EXOC4: variants seen among roughly 807,000 people sequenced by gnomAD.
EXOC4 encodes exocyst complex component 4, also known as SEC8-like 1.
Under a neutral mutation model 107.2 loss-of-function variants are expected in EXOC4, and 71 were observed. The observed-to-expected ratio is 0.66, with a 90% CI of 0.55 to 0.81. EXOC4 has a LOEUF of 0.81. Ranked by LOEUF, EXOC4 falls within the 30% of genes least tolerant of loss-of-function variation. The pLI is 0.00. For missense variants in EXOC4, 1,108 were observed against 1,189.6 expected (o/e 0.93, Z 1.01); for synonymous variants, 456 against 441.2 (o/e 1.03, Z -0.42).
intron 1 of EXOC4, 133 bp from the exon 2 acceptor site, chr7:133,274,849 A>C: frequency 2.8e-6 from 2 of 713,048 alleles, no homozygotes; most frequent in Admixed American, 3.1e-5. Flanking sequence ...TTCTGTTTGT[A>C]ACTTATTTCA....
rs1335786118 is a variant in EXOC4 at position 133,624,590 on chromosome 7, CT to C, written c.1418-5446del. On this transcript the variant is annotated intron_variant, in intron 9 of 17. Transcript: ENST00000253861. ...AGAGCAAGACTGCATCTCTCTCTCT[CT>C]TTTTTTTTCTTTTCTTTTTGAGGCA... Among the ~76,000 whole-genome samples the C allele has an allele frequency of 2.6e-5, 4 of 151,238 alleles. No homozygotes were observed. The East Asian group carries it at 5.8e-4, about 22-fold the overall frequency.
At chr7:133,655,534 T>C (rs2430768) in intron 10 of EXOC4, among the ~76,000 whole-genome samples, 81,589 of 152,094 alleles carry the variant, frequency 0.54, 22,280 homozygotes, top group Admixed American at 0.64. Flanking sequence ...TCCTTATAGA[T>C]GTTTTTCTGT....
chr7:133,654,791 G>A (rs989477821), intron 10 of EXOC4, among the ~76,000 whole-genome samples: 11 of 152,058 alleles, frequency 7.2e-5, no homozygotes, highest in African/African-American at 2.7e-4. Flanking sequence ...CCTACTACAC[G>A]CCTAGGCTGT....
chr7:133,710,917 A>AT (rs1000422336), intron 10 of EXOC4, among the ~76,000 whole-genome samples: 212 of 151,598 alleles, frequency 1.4e-3, no homozygotes, highest in African/African-American at 5.0e-3. Context: ...CAGCCAGAAA[A>AT]AAAAAATCGC....
chr7:133,523,374 G>A (rs1800015907), intron 9 of EXOC4, among the ~76,000 whole-genome samples: 1 of 151,448 alleles, frequency 6.6e-6, no homozygotes, highest in South Asian at 2.1e-4. Context: ...TCCAAAGTAT[G>A]TTCACAGGTG....
At chr7:133,579,873 A>G (rs1033991083) in intron 9 of EXOC4, among the ~76,000 whole-genome samples, 2 of 150,078 alleles carry the variant, frequency 1.3e-5, no homozygotes, top group Admixed American at 1.3e-4. Context: ...TTTTTAGTTG[A>G]GATGGGGTTT....
chr7:133,959,539 T>G, intron 14 of EXOC4, among the ~76,000 whole-genome samples: 1 of 149,162 alleles, frequency 6.7e-6, no homozygotes, highest in South Asian at 2.1e-4. Flanking sequence ...GGAGAGAAAA[T>G]AGAGAGGGCC....
chr7:133,343,897 T>A (rs1234893274), intron 5 of EXOC4, among the ~76,000 whole-genome samples: 1 of 152,038 alleles, frequency 6.6e-6, no homozygotes, highest in Non-Finnish European at 1.5e-5. Context: ...CTCTGCAGCC[T>A]TGAACCCTAG....
At chr7:133,337,319 A>G (rs970601993) in intron 5 of EXOC4, among the ~76,000 whole-genome samples, 1 of 152,156 alleles carries the variant, frequency 6.6e-6, no homozygotes, top group Non-Finnish European at 1.5e-5. Context: ...AAGACTTGGA[A>G]CAATTTATGG....
chr7:134,007,834 A>C lies in EXOC4; in HGVS notation c.2686A>C (p.Arg896=), dbSNP rs201523958. ...MSREADLDFA[R]QYYEMLYNTA... is the part of the protein sequence containing the mutation. ...GCGGGAGGCAGACCTGGACTTTGCA[A>C]GGTAGGAGGGAAAACTGGGTTTAGT... Residue 896 remains arginine, a splice_region_variant and synonymous_variant, in exon 17 of 18, where the codon AGG becomes CGG. Transcript: ENST00000253861. 1 of 1,611,206 alleles carries C rather than the reference A, an allele frequency of 6.2e-7. No homozygotes were observed. Among genetic ancestry groups the C allele is most frequent in the Non-Finnish European group, 8.5e-7 (1 of 1,178,434 alleles).
At chr7:133,855,104 A>AATATATATAAAT (rs1283460254) in intron 11 of EXOC4, among the ~76,000 whole-genome samples, 13 of 61,906 alleles carry the variant, frequency 2.1e-4, no homozygotes, top group African/African-American at 6.1e-4. Flanking sequence ...TATATATATA[A>AATATATATAAAT]ATATATATAA....
At chr7:133,286,274 T>G (rs1794274669) in intron 2 of EXOC4, among the ~76,000 whole-genome samples, 1 of 152,224 alleles carries the variant, frequency 6.6e-6, no homozygotes, top group Non-Finnish European at 1.5e-5. Context: ...TTTTAAAATT[T>G]CTATTTTAAT....
chr7:133,812,617 T>C (rs1471211160), intron 10 of EXOC4, among the ~76,000 whole-genome samples: 1 of 152,218 alleles, frequency 6.6e-6, no homozygotes, highest in African/African-American at 2.4e-5. Flanking sequence ...TTCATTTTTA[T>C]TTATTTTTAA....
intron 10 of EXOC4, among the ~76,000 whole-genome samples, chr7:133,740,063 A>G (rs1398335490): frequency 6.6e-6 from 1 of 152,176 alleles, no homozygotes; most frequent in East Asian, 1.9e-4. Context: ...AATTTATGGC[A>G]TCCAGTTTTG....
At chr7:133,806,266 A>G (rs896161712) in intron 10 of EXOC4, among the ~76,000 whole-genome samples, 2 of 152,226 alleles carry the variant, frequency 1.3e-5, no homozygotes, top group African/African-American at 2.4e-5. Flanking sequence ...GATGATTTTT[A>G]AGCTTGAGCT....
chr7:133,861,773 A>AG, intron 11 of EXOC4, among the ~76,000 whole-genome samples: 1 of 152,246 alleles, frequency 6.6e-6, no homozygotes, highest in East Asian at 1.9e-4. Flanking sequence ...AACTCAAGTG[A>AG]TTCACCTGTC....
intron 7 of EXOC4, among the ~76,000 whole-genome samples, chr7:133,473,866 A>G (rs2074274864): frequency 6.7e-6 from 1 of 148,410 alleles, no homozygotes; most frequent in Non-Finnish European, 1.5e-5. Flanking sequence ...ATGCCCGGCT[A>G]ATTTTTTGTA....
rs867116146 is a variant in EXOC4 at position 133,301,716 on chromosome 7, T to C, written c.472-4161T>C. Among the ~76,000 whole-genome samples, 26 of 152,334 alleles carry C rather than the reference T, an allele frequency of 1.7e-4. No homozygotes were observed. In the Middle Eastern group the frequency reaches 0.01, roughly 60 times the overall value. ...CTTCTTTTTTTGGCTTGAACCTTATTTCTATTCACAAACAGTTACTGATGT... is the reference window on the plus strand; with the variant it reads ...CTTCTTTTTTTGGCTTGAACCTTATCTCTATTCACAAACAGTTACTGATGT... On this transcript the variant is annotated intron_variant, in intron 3 of 17. Coordinates refer to ENST00000253861, the MANE Select transcript of EXOC4 (RefSeq NM_021807.4).
At chr7:133,894,619 C>A (rs1453657243) in intron 11 of EXOC4, among the ~76,000 whole-genome samples, 1 of 86,104 alleles carries the variant, frequency 1.2e-5, no homozygotes, top group African/African-American at 1.2e-4. Flanking sequence ...TGTGGATGTC[C>A]TTTCTGTTTG....
Sources: allele counts gnomAD v4.1 joint callset (sites outside exome capture counted in the v4.1 genomes callset), GRCh38; gene constraint gnomAD v4.1.1; transcripts MANE v1.5; gene names NCBI Gene and HGNC (gene_info 2026-07-23, HGNC 2026-07-21).